The following ABI3BP variants were observed in gnomAD, a reference collection of about 807,000 sequenced individuals.
ABI3BP encodes the protein ABI family member 3 binding protein.
ABI3BP carries 216 observed loss-of-function variants against 268.6 expected under a neutral mutation model. The ratio of observed to expected loss-of-function variants is 0.80; its 90% CI spans 0.72 to 0.90. The LOEUF is 0.90. Among genes scored for constraint, ABI3BP ranks in the 40% least tolerant of loss-of-function variants. The pLI is 0.00. For synonymous variants in ABI3BP, 730 were observed against 730.0 expected, an observed-to-expected ratio of 1.00 and a Z score of 0.00; for missense variants, 2,090 against 2,182.4, an observed-to-expected ratio of 0.96 and a Z score of 0.84.
intron 4 of ABI3BP, among the ~76,000 whole-genome samples, chr3:100,896,207 C>G (rs2153464808): frequency 6.6e-6 from 1 of 152,126 alleles, no homozygotes; most frequent in Non-Finnish European, 1.5e-5. Flanking sequence ...AAGAGTAGAG[C>G]CAGGGTGCGT....
chr3:100,854,326 T>C (rs961043445), intron 14 of ABI3BP, among the ~76,000 whole-genome samples: 1 of 152,050 alleles, frequency 6.6e-6, no homozygotes, highest in African/African-American at 2.4e-5. Flanking sequence ...GCCACTGCAC[T>C]CTAGCCTGCA....
intron 2 of ABI3BP, among the ~76,000 whole-genome samples, chr3:100,905,829 T>C (rs1308710083): frequency 6.6e-6 from 1 of 152,100 alleles, no homozygotes; most frequent in African/African-American, 2.4e-5. Context: ...AAATTTTTTC[T>C]TTACTAAGAC....
intron 10 of ABI3BP, among the ~76,000 whole-genome samples, chr3:100,866,325 A>G (rs1364078454): frequency 3.3e-5 from 5 of 152,178 alleles, no homozygotes; most frequent in Non-Finnish European, 7.4e-5. Context: ...GAGATGCTGA[A>G]TGTTTGTTAG....
Position 100,837,182 on chromosome 3 carries a change from A to C in ABI3BP, c.2084-11T>G, listed in dbSNP as rs1341101668. On this transcript the variant is annotated splice_polypyrimidine_tract_variant and intron_variant, in intron 26 of 67. Transcript: ENST00000471714. ...GAACAGGCTCAGAGACTGCATCATAAAAAATAAACAGATATAAGTAATAAA... is the reference window on the plus strand; with the variant it reads ...GAACAGGCTCAGAGACTGCATCATACAAAATAAACAGATATAAGTAATAAA... 1 of 1,532,124 alleles carries C rather than the reference A, an allele frequency of 6.5e-7. No individual in the cohort carries two copies. Among genetic ancestry groups the C allele is most frequent in the Admixed American group, 2.0e-5 (1 of 50,542 alleles). The allele number at this position is 1,532,124 out of a possible 1,614,324, so 94.9% of individuals were successfully genotyped here.
At chr3:100,801,425 C>CCAA (rs563139984) in intron 51 of ABI3BP, among the ~76,000 whole-genome samples, 1 of 87,532 alleles carries the variant, frequency 1.1e-5, no homozygotes, top group African/African-American at 4.0e-5. Flanking sequence ...GATATCCTGT[C>CCAA]AAAAAAAAAA....
At chr3:100,907,699 A>G (rs1316360764) in intron 2 of ABI3BP, among the ~76,000 whole-genome samples, 6 of 152,212 alleles carry the variant, frequency 3.9e-5, no homozygotes, top group Non-Finnish European at 8.8e-5. Flanking sequence ...AACCAAACTC[A>G]TTCATAAATA....
chr3:100,822,484 C>G, intron 38 of ABI3BP, 105 bp downstream of exon 38: 1 of 919,960 alleles, frequency 1.1e-6, no homozygotes, highest in Non-Finnish European at 1.7e-6. Context: ...GTTGTAGCTT[C>G]CCTCTCACAG....
intron 33 of ABI3BP, 34 bp downstream of exon 33, chr3:100,829,547 G>A (rs1299370131): frequency 4.6e-6 from 7 of 1,515,042 alleles, no homozygotes; most frequent in Non-Finnish European, 3.5e-6. Flanking sequence ...GGGGTGGGCT[G>A]TTAGGATTCC....
At position 100,992,577 on chromosome 3, in the gene ABI3BP, A is replaced by G. The variant is rs370665429; in HGVS notation, c.79+729T>C. Among the ~76,000 whole-genome samples the G allele has an allele frequency of 3.3e-5, 5 of 152,224 alleles. No homozygotes were observed. The East Asian group carries it at 5.8e-4, about 18-fold the overall frequency. ...GCAGAGAAACAAAAGTACATGCAACATTTATGTTCAGAGACAGGAGAGAGG... is the reference window on the plus strand; with the variant it reads ...GCAGAGAAACAAAAGTACATGCAACGTTTATGTTCAGAGACAGGAGAGAGG... On this transcript the variant is annotated intron_variant, in intron 1 of 67. Transcript: ENST00000471714.
At chr3:100,899,229 G>A (rs1471392550) in intron 3 of ABI3BP, among the ~76,000 whole-genome samples, 2 of 152,168 alleles carry the variant, frequency 1.3e-5, no homozygotes, top group Non-Finnish European at 2.9e-5. Flanking sequence ...GGTCTTAGCT[G>A]TGATGAGTGA....
intron 14 of ABI3BP, among the ~76,000 whole-genome samples, chr3:100,855,414 C>A (rs2098928721): frequency 6.6e-6 from 1 of 152,134 alleles, no homozygotes; most frequent in South Asian, 2.1e-4. Flanking sequence ...TGAAAACTTC[C>A]TTTTTAACAT....
At chr3:100,865,389 C>T (rs1347401403) in intron 10 of ABI3BP, among the ~76,000 whole-genome samples, 1 of 152,180 alleles carries the variant, frequency 6.6e-6, no homozygotes, top group Non-Finnish European at 1.5e-5. Flanking sequence ...AGACTTCTCT[C>T]TTACACTGCA....
At chr3:100,955,967 C>T (rs2153796440) in intron 1 of ABI3BP, among the ~76,000 whole-genome samples, 1 of 152,180 alleles carries the variant, frequency 6.6e-6, no homozygotes, top group Non-Finnish European at 1.5e-5. Flanking sequence ...ATGAGCAGAT[C>T]ACCTGAGGTC....
intron 1 of ABI3BP, among the ~76,000 whole-genome samples, chr3:100,963,592 C>A (rs1193052773): frequency 6.6e-6 from 1 of 152,166 alleles, no homozygotes; most frequent in African/African-American, 2.4e-5. Flanking sequence ...CAACAGTTTC[C>A]ATTGTTCCCA....
intron 9 of ABI3BP, among the ~76,000 whole-genome samples, chr3:100,874,578 A>G (rs1375976111): frequency 1.3e-5 from 2 of 152,180 alleles, no homozygotes; most frequent in East Asian, 3.8e-4. Flanking sequence ...AGTTATACAT[A>G]TGTATTTTGA....
At chr3:100,791,472 A>G (rs2097195446) in intron 55 of ABI3BP, among the ~76,000 whole-genome samples, 1 of 151,892 alleles carries the variant, frequency 6.6e-6, no homozygotes, top group South Asian at 2.1e-4. Flanking sequence ...GATTATGAGA[A>G]TCCAGCTATC....
chr3:100,882,768 G>T (rs1288581639), intron 6 of ABI3BP, among the ~76,000 whole-genome samples: 1 of 152,044 alleles, frequency 6.6e-6, no homozygotes, highest in East Asian at 1.9e-4. Flanking sequence ...CATCCTAAAT[G>T]AAATATCCTG....
At chr3:100,983,097 GA>G (rs2090352437) in intron 1 of ABI3BP, among the ~76,000 whole-genome samples, 1 of 152,174 alleles carries the variant, frequency 6.6e-6, no homozygotes, top group African/African-American at 2.4e-5. Flanking sequence ...TCAGCTAACA[GA>G]ATGGAAAAAT....
chr3:100,886,677 A>ATAGGTG (rs905632274), intron 4 of ABI3BP, among the ~76,000 whole-genome samples: 2 of 151,900 alleles, frequency 1.3e-5, no homozygotes, highest in African/African-American at 4.8e-5. Flanking sequence ...AGAGTAGAAC[A>ATAGGTG]TAGGTGCCAT....
Sources: gnomAD v4.1 joint callset for allele counts (sites outside exome capture counted in the v4.1 genomes callset) on GRCh38, gnomAD v4.1.1 for gene constraint, MANE v1.5 for transcripts, NCBI Gene and HGNC (gene_info 2026-07-23, HGNC 2026-07-21) for gene names.